Variants in TAFA1 observed in about 807,000 individuals in gnomAD.
TAFA1 encodes the protein chemokine-like protein TAFA-1.
TAFA1 carries 4 observed loss-of-function variants against 18.5 expected under a neutral mutation model. The ratio of observed to expected loss-of-function variants is 0.22; its 90% confidence interval spans 0.11 to 0.49. The LOEUF (loss-of-function observed/expected upper bound fraction) is 0.49, where lower values mean the gene tolerates loss of function less well. Among genes scored for constraint, TAFA1 ranks in the 20% least tolerant of loss-of-function variants. The pLI, the probability that TAFA1 is intolerant of heterozygous loss-of-function variation, is 0.98. For synonymous variants in TAFA1, 56 were observed against 55.2 expected (o/e 1.01, Z -0.06); for missense variants, 147 against 169.0 (o/e 0.87, Z 0.72).
Position 68,019,295 on chromosome 3 carries a change from G to A in TAFA1, c.118+12551G>A, listed in dbSNP as rs193134106. Among the ~76,000 whole-genome samples, 20 of 152,192 alleles carry A rather than the reference G, an allele frequency of 1.3e-4. No individual in the cohort carries two copies. In the East Asian group the frequency reaches 3.7e-3, roughly 28 times the overall value. ...GAAAGCATGGTTTTTTTCCTTTCTG[G>A]ATTAACAGTGCCTAATTTTCAAGCA... is the stretch of plus-strand genomic sequence containing the variant. On this transcript the variant is annotated intron_variant, in intron 2 of 4. Coordinates refer to ENST00000478136, the MANE Select transcript of TAFA1 (RefSeq NM_213609.4).
At chr3:68,456,212 C>T (rs1426601345) in intron 3 of TAFA1, among the ~76,000 whole-genome samples, 1 of 152,086 alleles carries the variant, frequency 6.6e-6, no homozygotes, top group Non-Finnish European at 1.5e-5. Flanking sequence ...TTATCTTTTC[C>T]CTTCAAGACT....
At chr3:68,306,436 G>C (rs1442143823) in intron 2 of TAFA1, among the ~76,000 whole-genome samples, 2 of 152,142 alleles carry the variant, frequency 1.3e-5, no homozygotes, top group Admixed American at 1.3e-4. Flanking sequence ...CTACCCTAGA[G>C]GGTTTGTCTG....
intron 2 of TAFA1, among the ~76,000 whole-genome samples, chr3:68,412,202 C>T (rs917925200): frequency 6.6e-6 from 1 of 152,050 alleles, no homozygotes; most frequent in African/African-American, 2.4e-5. Context: ...AGTTACCATG[C>T]TCTTCCTTTT....
intron 2 of TAFA1, among the ~76,000 whole-genome samples, chr3:68,266,080 GT>G (rs2067539513): frequency 6.6e-6 from 1 of 152,146 alleles, no homozygotes; most frequent in Non-Finnish European, 1.5e-5. Flanking sequence ...GACATAAAAT[GT>G]TCCCTTCATA....
At chr3:68,042,477 C>T (rs191959374) in intron 2 of TAFA1, among the ~76,000 whole-genome samples, 7 of 152,208 alleles carry the variant, frequency 4.6e-5, no homozygotes, top group Non-Finnish European at 8.8e-5. Context: ...TGGTGTAGCC[C>T]TGTCTCTACT....
rs190810377 is a variant in TAFA1 at position 68,436,040 on chromosome 3, C to G, written c.259+18620C>G. 9.9e-5 allele frequency among the ~76,000 whole-genome samples: 15 copies of G among 152,228 alleles called. No homozygotes were observed. The East Asian group carries it at 2.5e-3, about 26-fold the overall frequency. ...TCCATGAGGGATACTAAGGGATAACCAGAGTTGAGAACCAAAGCTGTAGTG... is the reference window on the plus strand; with the variant it reads ...TCCATGAGGGATACTAAGGGATAACGAGAGTTGAGAACCAAAGCTGTAGTG... On this transcript the variant is annotated intron_variant, in intron 3 of 4. Transcript: ENST00000478136.
chr3:68,062,432 G>T (rs948991245), intron 2 of TAFA1, among the ~76,000 whole-genome samples: 1 of 152,114 alleles, frequency 6.6e-6, no homozygotes, highest in Non-Finnish European at 1.5e-5. Context: ...ATAATGCGCA[G>T]GTCCTGAAAG....
chr3:68,129,630 T>C (rs1260040372), intron 2 of TAFA1, among the ~76,000 whole-genome samples: 2 of 152,246 alleles, frequency 1.3e-5, no homozygotes, highest in African/African-American at 2.4e-5. Flanking sequence ...GCATGGATAA[T>C]TATACGTTAC....
chr3:67,993,071 A>C, the TAFA1 span, among the ~76,000 whole-genome samples: 2 of 152,222 alleles, frequency 1.3e-5, no homozygotes, highest in African/African-American at 4.8e-5. Context: ...CTTGGTAGAC[A>C]CAACAGGGGG....
At chr3:68,150,620 A>C (rs1322381746) in intron 2 of TAFA1, among the ~76,000 whole-genome samples, 2 of 152,108 alleles carry the variant, frequency 1.3e-5, no homozygotes, top group Non-Finnish European at 2.9e-5. Flanking sequence ...GCCTCATCTG[A>C]GAAATGAGGT....
intron 3 of TAFA1, among the ~76,000 whole-genome samples, chr3:68,503,797 T>C (rs1425876190): frequency 2.6e-5 from 4 of 152,134 alleles, no homozygotes; most frequent in Admixed American, 2.6e-4. Flanking sequence ...TCTAATAATA[T>C]TTTGGAAAGA....
chr3:68,437,223 G>A (rs1455277486), intron 3 of TAFA1, among the ~76,000 whole-genome samples: 1 of 152,164 alleles, frequency 6.6e-6, no homozygotes, highest in Non-Finnish European at 1.5e-5. Context: ...ACAAGATTTA[G>A]AATGTTCCCA....
chr3:68,224,677 G>T (rs1415324604), intron 2 of TAFA1, among the ~76,000 whole-genome samples: 2 of 152,038 alleles, frequency 1.3e-5, no homozygotes, highest in Non-Finnish European at 2.9e-5. Flanking sequence ...CTCATTTATG[G>T]CAGTTCCTTT....
At chr3:68,230,679 T>A (rs1176521862) in intron 2 of TAFA1, among the ~76,000 whole-genome samples, 1 of 152,204 alleles carries the variant, frequency 6.6e-6, no homozygotes, top group Non-Finnish European at 1.5e-5. Flanking sequence ...TACTTTTAAT[T>A]TTTTGAGGAA....
At chr3:68,337,477 C>G (rs769819989) in intron 2 of TAFA1, among the ~76,000 whole-genome samples, 17 of 152,096 alleles carry the variant, frequency 1.1e-4, no homozygotes, top group Non-Finnish European at 2.2e-4. Flanking sequence ...GGACACAAAT[C>G]CAAACGATAT....
At chr3:68,215,374 C>T (rs1205460257) in intron 2 of TAFA1, among the ~76,000 whole-genome samples, 1 of 151,852 alleles carries the variant, frequency 6.6e-6, no homozygotes, top group Non-Finnish European at 1.5e-5. Flanking sequence ...ATTTTTCCAT[C>T]TGAAAAAATA....
chr3:68,066,090 A>G (rs534408489), intron 2 of TAFA1, among the ~76,000 whole-genome samples: 57 of 152,310 alleles, frequency 3.7e-4, no homozygotes, highest in Non-Finnish European at 7.1e-4. Context: ...GATAGAGATT[A>G]TAAAGCAGCA....
chr3:68,386,401 TG>T (rs1477492162), intron 2 of TAFA1, among the ~76,000 whole-genome samples: 1 of 152,116 alleles, frequency 6.6e-6, no homozygotes, highest in Non-Finnish European at 1.5e-5. Flanking sequence ...AGTTTTTTTT[TG>T]TTTGTTTTTT....
intron 2 of TAFA1, among the ~76,000 whole-genome samples, chr3:68,077,280 T>C (rs2064837342): frequency 7.2e-6 from 1 of 139,068 alleles, no homozygotes; most frequent in African/African-American, 2.7e-5. Flanking sequence ...CTGATGGTAG[T>C]TTCTTTTGCT....
Sources: gnomAD v4.1 joint callset for allele counts (sites outside exome capture counted in the v4.1 genomes callset) on GRCh38, gnomAD v4.1.1 for gene constraint, MANE v1.5 for transcripts, NCBI Gene and HGNC (gene_info 2026-07-23, HGNC 2026-07-21) for gene names.